LRIG2: variants seen among roughly 807,000 people sequenced by gnomAD.
LRIG2 encodes leucine rich repeats and immunoglobulin like domains 2, also known as leucine-rich repeats and immunoglobulin-like domains protein 2.
A neutral mutation model predicts 107.8 loss-of-function variants in LRIG2; 93 were observed. The ratio of observed to expected loss-of-function variants is 0.86; its 90% CI spans 0.73 to 1.03. The LOEUF (loss-of-function observed/expected upper bound fraction) is 1.03. LRIG2 is among the 50% of genes least tolerant of loss of function. The pLI is 0.00. For synonymous variants in LRIG2, 471 were observed against 470.6 expected (o/e 1.00, Z -0.01); for missense variants, 1,226 against 1,296.0 (o/e 0.95, Z 0.83).
intron 1 of LRIG2, among the ~76,000 whole-genome samples, chr1:113,079,006 A>G (rs540389147): frequency 6.8e-4 from 104 of 152,282 alleles, no homozygotes; most frequent in African/African-American, 2.3e-3. Context: ...GAAATGTGAA[A>G]GTAATCTACT....
At position 113,112,524 on chromosome 1, in the gene LRIG2, C is replaced by T; in HGVS notation, c.1844C>T (p.Thr615Ile). 1 of 1,613,462 alleles carries T rather than the reference C, an allele frequency of 6.2e-7. No individual in the cohort carries two copies. The highest frequency in any genetic ancestry group is 1.3e-5 in the African/African-American group (1 of 75,038). Reference sequence around the variant, plus strand: ...ACGCCAATGGATCTGACTATTCGCACTGGTGCCATGGCCAGATTAGAATGT... The same window carrying T: ...ACGCCAATGGATCTGACTATTCGCATTGGTGCCATGGCCAGATTAGAATGT... ...LKTPMDLTIR[T>I]GAMARLECAA... The change falls in exon 14 of 18, where the codon ACT becomes ATT. Residue 615 changes from threonine to isoleucine, a missense_variant. Around this residue, in one of 3 missense-constraint regions of LRIG2, gnomAD observed 642 missense variants for 712.2 expected, o/e 0.90. Transcript: ENST00000361127.
chr1:113,116,489 C>A, intron 16 of LRIG2, 53 bp downstream of exon 16: 2 of 1,483,916 alleles, frequency 1.3e-6, no homozygotes, highest in South Asian at 2.6e-5. Flanking sequence ...ATTGAGTTTA[C>A]TTTTCAGTGT....
Position 113,095,909 on chromosome 1 carries a change from AG to A in LRIG2, c.843del (p.Trp282GlyfsTer13). The A allele has an allele frequency of 1.2e-6, 2 of 1,614,152 alleles. No individual in the cohort carries two copies. Among genetic ancestry groups the A allele is most frequent in the Non-Finnish European group, 1.7e-6 (2 of 1,180,022 alleles). On this transcript the variant is annotated frameshift_variant, in exon 7 of 18. Transcript: ENST00000361127. LOFTEE classifies it high-confidence loss of function. ...LEHNNLTRVN[K>X]GWLYGLRMLQ... ...CACAACAACCTTACACGAGTAAACA[AG>A]GGGTGGTTGTATGGCTTGCGAATGT...
chr1:113,111,289 G>A (rs1654763471), intron 13 of LRIG2, among the ~76,000 whole-genome samples: 1 of 152,224 alleles, frequency 6.6e-6, no homozygotes, highest in Non-Finnish European at 1.5e-5. Flanking sequence ...GCCTGCCTTG[G>A]CCTCCCAAAG....
At chr1:113,091,421 C>T in intron 2 of LRIG2, 38 bp downstream of exon 2, 2 of 1,295,692 alleles carry the variant, frequency 1.5e-6, no homozygotes, top group Non-Finnish European at 2.2e-6. Context: ...ATGTTAAATT[C>T]CTGAGGGAAC....
chr1:113,080,768 A>G (rs1653233980), intron 1 of LRIG2, among the ~76,000 whole-genome samples: 1 of 151,278 alleles, frequency 6.6e-6, no homozygotes, highest in South Asian at 2.1e-4. Flanking sequence ...TCAGGGCATT[A>G]TCTTAGCTAA....
intron 2 of LRIG2, among the ~76,000 whole-genome samples, chr1:113,092,565 C>CTTAG (rs1557902887): frequency 6.6e-6 from 1 of 151,994 alleles, no homozygotes; most frequent in Non-Finnish European, 1.5e-5. Flanking sequence ...ATTATGCCTT[C>CTTAG]TTTAAGGACT....
intron 1 of LRIG2, among the ~76,000 whole-genome samples, chr1:113,074,601 G>GAGT (rs903720766): frequency 3.3e-5 from 5 of 152,266 alleles, no homozygotes; most frequent in African/African-American, 1.2e-4. Context: ...ATTTCTGATG[G>GAGT]AGTCGTTAAG....
chr1:113,078,198 G>A (rs971638042), intron 1 of LRIG2, among the ~76,000 whole-genome samples: 1 of 151,634 alleles, frequency 6.6e-6, no homozygotes, highest in Non-Finnish European at 1.5e-5. Context: ...GTAAACATAT[G>A]TGTGCATGTG....
intron 11 of LRIG2, among the ~76,000 whole-genome samples, chr1:113,101,903 A>G (rs1654321714): frequency 6.6e-6 from 1 of 152,244 alleles, no homozygotes; most frequent in African/African-American, 2.4e-5. Context: ...CTCTGTACTC[A>G]TAGCATATTA....
intron 1 of LRIG2, among the ~76,000 whole-genome samples, chr1:113,081,870 C>T (rs1653303748): frequency 6.6e-6 from 1 of 152,172 alleles, no homozygotes; most frequent in Admixed American, 6.6e-5. Context: ...TTATGGATGT[C>T]TCTCACATAA....
At position 113,107,628 on chromosome 1, in the gene LRIG2, C is replaced by G; in HGVS notation, c.1348C>G (p.His450Asp). ...CACAAGCAGTTTGCTCTGTGACTGC[C>G]ATTTGAAGTGGCTACTTCAATGGTT... is the stretch of plus-strand genomic sequence containing the variant. ...LNTSSLLCDC[H>D]LKWLLQWLVD... Residue 450 changes from histidine (H) to aspartate (D), a missense_variant, in exon 12 of 18, where the codon CAT becomes GAT. This residue lies in a region of LRIG2 where 570 missense variants were observed against 550.2 expected (regional missense o/e 1.04). Transcript: ENST00000361127. 3.1e-6 allele frequency: 5 copies of G among 1,613,420 alleles called. No homozygotes were observed. Among genetic ancestry groups the G allele is most frequent in the Non-Finnish European group, 4.2e-6 (5 of 1,179,818 alleles).
intron 16 of LRIG2, among the ~76,000 whole-genome samples, chr1:113,118,987 C>G (rs191537493): frequency 1.4e-4 from 21 of 152,276 alleles, no homozygotes; most frequent in Non-Finnish European, 2.5e-4. Flanking sequence ...GGTTAAGTTA[C>G]TTAACTTCTC....
intron 1 of LRIG2, among the ~76,000 whole-genome samples, chr1:113,083,997 T>TATAATAATA (rs55895711): frequency 3.5e-4 from 44 of 125,700 alleles, no homozygotes; most frequent in African/African-American, 9.4e-4. Context: ...GAACTTAAAG[T>TATAATAATA]ATAATAATAA....
At chr1:113,073,876 C>CCCT (rs1652829132) in intron 1 of LRIG2, among the ~76,000 whole-genome samples, 1 of 150,730 alleles carries the variant, frequency 6.6e-6, no homozygotes, top group East Asian at 2.0e-4. Flanking sequence ...TTCTTGGGGC[C>CCCT]AAGGAGTCTG....
chr1:113,108,226 T>C (rs1300678240), intron 12 of LRIG2, among the ~76,000 whole-genome samples: 1 of 128,496 alleles, frequency 7.8e-6, no homozygotes, highest in Non-Finnish European at 1.6e-5. Flanking sequence ...TCAAATATAC[T>C]TTTTTTTTTT....
chr1:113,104,410 G>A (rs558149268), intron 11 of LRIG2, among the ~76,000 whole-genome samples: 37 of 152,204 alleles, frequency 2.4e-4, no homozygotes, highest in African/African-American at 7.9e-4. Flanking sequence ...AAGAACAATT[G>A]GAAATAGCCT....
intron 11 of LRIG2, among the ~76,000 whole-genome samples, chr1:113,101,873 A>G (rs1654320384): frequency 6.6e-6 from 1 of 152,254 alleles, no homozygotes; most frequent in African/African-American, 2.4e-5. Context: ...TGATGAAAAC[A>G]TTAGTGCACA....
intron 8 of LRIG2, among the ~76,000 whole-genome samples, chr1:113,097,244 A>G (rs1405650904): frequency 6.6e-6 from 1 of 151,940 alleles, no homozygotes; most frequent in African/African-American, 2.4e-5. Flanking sequence ...TTAATGAAAT[A>G]TAGTAATCTC....
Sources: gnomAD v4.1 joint callset for allele counts (sites outside exome capture counted in the v4.1 genomes callset) on GRCh38, gnomAD v4.1.1 for gene constraint, gnomAD v4.1.1 regional missense constraint, MANE v1.5 for transcripts, NCBI Gene and HGNC (gene_info 2026-07-23, HGNC 2026-07-21) for gene names.